The following LGR6 variants were observed in gnomAD, a reference collection of about 807,000 sequenced individuals.
LGR6 encodes leucine-rich repeat-containing G protein-coupled receptor 6.
Under a neutral mutation model 69.4 loss-of-function variants are expected in LGR6, and 45 were observed. The observed-to-expected ratio is 0.65, with a 90% CI of 0.51 to 0.83. The LOEUF (loss-of-function observed/expected upper bound fraction) is 0.83, where lower values mean the gene tolerates loss of function less well. Among genes scored for constraint, LGR6 ranks in the 40% least tolerant of loss-of-function variants. The pLI, the probability that LGR6 is intolerant of heterozygous loss-of-function variation, is 0.00. For synonymous variants in LGR6, 538 were observed against 555.0 expected, an observed-to-expected ratio of 0.97 and a Z score of 0.43; for missense variants, 1,108 against 1,246.7, an observed-to-expected ratio of 0.89 and a Z score of 1.68.
chr1:202,239,489 T>C (rs905562363), intron 4 of LGR6, among the ~76,000 whole-genome samples: 1 of 151,974 alleles, frequency 6.6e-6, no homozygotes, highest in Non-Finnish European at 1.5e-5. Context: ...ATTTGGACTT[T>C]ATTCTTAAGA....
At chr1:202,204,281 AAC>A (rs771838127) in intron 1 of LGR6, among the ~76,000 whole-genome samples, 1 of 119,922 alleles carries the variant, frequency 8.3e-6, no homozygotes, top group Admixed American at 8.3e-5. Context: ...CACACCTCCA[AAC>A]ACACACACCT....
intron 17 of LGR6, 120 bp from the exon 18 acceptor site, chr1:202,317,832 C>A: frequency 9.6e-7 from 1 of 1,037,720 alleles, no homozygotes; most frequent in Non-Finnish European, 1.4e-6. Context: ...TTTCCGAGGG[C>A]AAGGGCCATG....
rs1290435622 is a variant in LGR6 at position 202,268,739 on chromosome 1, C to T, written c.429-7567C>T. On this transcript the variant is annotated intron_variant, in intron 4 of 17. Transcript: ENST00000367278. This position sits in a 1 kb window ranked among gnomAD's most constrained non-coding sequence, Gnocchi z 4.4. Reference sequence around the variant, plus strand: ...CCAGCCTCTTTCTTCCTCTCAAACGCAGAGTTAGGAAATGAGAACAGGAGC... The same window carrying T: ...CCAGCCTCTTTCTTCCTCTCAAACGTAGAGTTAGGAAATGAGAACAGGAGC... Among the ~76,000 whole-genome samples the T allele has an allele frequency of 6.6e-6, 1 of 152,182 alleles. No homozygotes were observed. The highest frequency in any genetic ancestry group is 1.9e-4 in the East Asian group (1 of 5,196).
At chr1:202,218,538 A>G (rs1659936409) in intron 1 of LGR6, among the ~76,000 whole-genome samples, 5 of 152,138 alleles carry the variant, frequency 3.3e-5, no homozygotes, top group Admixed American at 2.6e-4. Context: ...TGGTCACAAT[A>G]ATAGGGAGAT....
chr1:202,262,209 T>C (rs1433881777), intron 4 of LGR6, among the ~76,000 whole-genome samples: 2 of 151,568 alleles, frequency 1.3e-5, no homozygotes, highest in Non-Finnish European at 3.0e-5. Flanking sequence ...AGGGTTTTTA[T>C]GGTTTTAGGT....
intron 6 of LGR6, among the ~76,000 whole-genome samples, chr1:202,292,544 T>C (rs1666869470): frequency 2.0e-5 from 3 of 152,006 alleles, no homozygotes; most frequent in Admixed American, 1.3e-4. Flanking sequence ...TTTTGGCCTG[T>C]AGCTGGTGGA....
intron 4 of LGR6, among the ~76,000 whole-genome samples, chr1:202,257,864 G>A (rs1663905340): frequency 6.6e-6 from 1 of 152,056 alleles, no homozygotes; most frequent in South Asian, 2.1e-4. Context: ...CACTAGGACT[G>A]TGATAGTGGT....
intron 3 of LGR6, among the ~76,000 whole-genome samples, chr1:202,231,180 C>T (rs983882899): frequency 6.6e-6 from 1 of 152,228 alleles, no homozygotes; most frequent in Non-Finnish European, 1.5e-5. Flanking sequence ...CTGAGCCAAC[C>T]TCTAGTGTAG....
rs867173926 is a variant in LGR6, at chr1:202,253,906, C to T, written c.428+17913C>T. Among the ~76,000 whole-genome samples the T allele has an allele frequency of 3.9e-4, 55 of 141,966 alleles. 1 individual carries two copies. Among genetic ancestry groups the T allele is most frequent in the South Asian group, 4.7e-4 (2 of 4,298 alleles). The allele number at this position is 141,966 out of a possible 152,430, so 93.1% of individuals were successfully genotyped here. A position where few individuals can be genotyped will look rare whatever the true frequency, so the allele number is the denominator to read the frequency against. Reference sequence around the variant, plus strand: ...CTGCAAGCTCCGCCTCCCGGGTTCACGCCATTCTCCTGCCTCAGCCTCCCA... The same window carrying T: ...CTGCAAGCTCCGCCTCCCGGGTTCATGCCATTCTCCTGCCTCAGCCTCCCA... On this transcript the variant is annotated intron_variant, in intron 4 of 17. Transcript: ENST00000367278.
intron 4 of LGR6, among the ~76,000 whole-genome samples, chr1:202,250,420 T>A (rs962232469): frequency 2.0e-5 from 3 of 151,708 alleles, no homozygotes; most frequent in Admixed American, 6.6e-5. Flanking sequence ...TATTATTATT[T>A]TTTGAGACAG....
intron 6 of LGR6, among the ~76,000 whole-genome samples, chr1:202,287,655 C>T (rs1666490134): frequency 6.6e-6 from 1 of 152,206 alleles, no homozygotes; most frequent in South Asian, 2.1e-4. Flanking sequence ...GTGATGGCAG[C>T]TTTACTCCTG....
At chr1:202,230,090 C>T (rs570001028) in intron 3 of LGR6, among the ~76,000 whole-genome samples, 172 of 152,198 alleles carry the variant, frequency 1.1e-3, no homozygotes, top group African/African-American at 4.0e-3. Flanking sequence ...GGCCTGGGAC[C>T]CTTATCTGAG....
At chr1:202,313,544 A>G (rs1417608709) in intron 16 of LGR6, among the ~76,000 whole-genome samples, 1 of 152,168 alleles carries the variant, frequency 6.6e-6, no homozygotes, top group East Asian at 1.9e-4. Context: ...CTTAACTTCA[A>G]TGAGCCTCAG....
chr1:202,295,870 AGTGTGTGTGTGTGTGTGTGT>A (rs10522809), intron 6 of LGR6, among the ~76,000 whole-genome samples: 2 of 143,944 alleles, frequency 1.4e-5, no homozygotes, highest in African/African-American at 5.3e-5. Flanking sequence ...TTGGGTAATT[AGTGTGTGTGTGTGTGTGTGT>A]GTGTGTGTGT....
chr1:202,199,345 AG>A (rs1182306629), intron 1 of LGR6, among the ~76,000 whole-genome samples: 7 of 152,124 alleles, frequency 4.6e-5, no homozygotes, highest in African/African-American at 1.4e-4. Context: ...AGTGGAGCCT[AG>A]TAGGGTGGGC....
At position 202,318,633 on chromosome 1, in the gene LGR6, G is replaced by T; in HGVS notation, c.2330G>T (p.Trp777Leu). 1 of 1,613,908 alleles carries T rather than the reference G, an allele frequency of 6.2e-7. No homozygotes were observed. The change falls in exon 18 of 18, where the codon TGG (tryptophan) becomes TTG (leucine). Residue 777 changes from tryptophan (W) to leucine (L), a missense_variant. By Grantham distance (61) the Trp-to-Leu change is moderately conservative. Coordinates refer to ENST00000367278, the MANE Select transcript of LGR6 (RefSeq NM_001017403.2). Reference protein sequence around the residue: ...WDCAMVRHVAWLIFADGLLYC... With the variant: ...WDCAMVRHVALLIFADGLLYC... Reference sequence around the variant, plus strand: ...TGCGCCATGGTGAGGCACGTGGCCTGGCTCATCTTCGCAGACGGGCTCCTC... The same window carrying T: ...TGCGCCATGGTGAGGCACGTGGCCTTGCTCATCTTCGCAGACGGGCTCCTC...
At chr1:202,313,682 G>A (rs1338271344) in intron 16 of LGR6, among the ~76,000 whole-genome samples, 1 of 152,188 alleles carries the variant, frequency 6.6e-6, no homozygotes, top group Non-Finnish European at 1.5e-5. Flanking sequence ...TTATTGTTCA[G>A]TGAATCTATT....
intron 6 of LGR6, among the ~76,000 whole-genome samples, chr1:202,294,087 C>T (rs564513399): frequency 6.6e-5 from 10 of 152,306 alleles, no homozygotes; most frequent in African/African-American, 9.6e-5. Flanking sequence ...ATCTTAAGGA[C>T]GTTCCCCCAA....
At chr1:202,252,218 C>T (rs1159054055) in intron 4 of LGR6, among the ~76,000 whole-genome samples, 3 of 152,150 alleles carry the variant, frequency 2.0e-5, no homozygotes. Flanking sequence ...TTCCCCCTAC[C>T]TCCCCAAACT....
Sources: gnomAD v4.1 joint callset for allele counts (sites outside exome capture counted in the v4.1 genomes callset) on GRCh38, gnomAD v4.1.1 for gene constraint, Gnocchi (gnomAD v3.1) non-coding constraint, MANE v1.5 for transcripts, NCBI Gene and HGNC (gene_info 2026-07-23, HGNC 2026-07-21) for gene names.